The following CRACD variants were observed in gnomAD, a reference collection of about 807,000 sequenced individuals.
CRACD encodes capping protein-inhibiting regulator of actin dynamics.
CRACD carries 56 observed loss-of-function variants against 106.8 expected under a neutral mutation model. The ratio of observed to expected loss-of-function variants is 0.52; its 90% CI spans 0.42 to 0.66. CRACD has a LOEUF of 0.66. Among genes scored for constraint, CRACD ranks in the 30% least tolerant of loss-of-function variants. The pLI, the probability that CRACD is intolerant of heterozygous loss-of-function variation, is 0.00. For missense variants in CRACD, 1,730 were observed against 1,623.2 expected, an observed-to-expected ratio of 1.07 and a Z score of -1.13; for synonymous variants, 754 against 670.8, an observed-to-expected ratio of 1.12 and a Z score of -1.92.
In CRACD at chr4:56,231,690, A is replaced by G. The variant is rs372922464; in HGVS notation, c.-188-40631A>G. ...AGCCAGATACAAAAGAGTGCATGCT[A>G]CGTGCTTCCATTTACATAAAGTACA... On this transcript the variant is annotated intron_variant, in intron 2 of 10. Coordinates refer to ENST00000682029, the MANE Select transcript of CRACD (RefSeq NM_001393381.1). Among the ~76,000 whole-genome samples the G allele has an allele frequency of 3.3e-5, 5 of 152,348 alleles. No homozygotes were observed. The East Asian group carries it at 5.8e-4, about 18-fold the overall frequency.
intron 1 of CRACD, among the ~76,000 whole-genome samples, chr4:56,098,979 C>T (rs931293493): frequency 6.6e-5 from 10 of 152,194 alleles, no homozygotes; most frequent in Admixed American, 4.6e-4. Flanking sequence ...GTGCCCAGCC[C>T]GGGATCTATT....
At chr4:56,308,531 C>T (rs1025105864) in intron 5 of CRACD, among the ~76,000 whole-genome samples, 1 of 151,912 alleles carries the variant, frequency 6.6e-6, no homozygotes, top group Non-Finnish European at 1.5e-5. Context: ...CCTATCAAGA[C>T]CCCTGGAATT....
At position 56,315,743 on chromosome 4, in the gene CRACD, A is replaced by C; in HGVS notation, c.2241A>C (p.Lys747Asn). Residue 747 changes from lysine to asparagine, a missense_variant, in exon 8 of 11, where the codon AAA (lysine) becomes AAC (asparagine). Lys to Asn is a moderately conservative substitution (Grantham distance 94, BLOSUM62 0). Transcript: ENST00000682029. The surrounding 1 kb of genome is among the most constrained non-coding windows in gnomAD (Gnocchi z 4.1). ...GCACGGAAGCTGAAAGCATACGAAAAAGACCCATGCTGGGACCCAGCGAAG... is the reference window on the plus strand; with the variant it reads ...GCACGGAAGCTGAAAGCATACGAAACAGACCCATGCTGGGACCCAGCGAAG... ...KQSTEAESIR[K>N]RPMLGPSEET... The C allele has an allele frequency of 6.2e-7, 1 of 1,614,224 alleles. No homozygotes were observed. Among genetic ancestry groups the C allele is most frequent in the Non-Finnish European group, 8.5e-7 (1 of 1,180,044 alleles).
intron 1 of CRACD, among the ~76,000 whole-genome samples, chr4:56,145,027 A>G (rs191857597): frequency 6.6e-6 from 1 of 152,246 alleles, no homozygotes; most frequent in East Asian, 1.9e-4. Context: ...ACTTCAAGTT[A>G]TCCCCCCGCC....
At chr4:56,053,050 A>G (rs1172254364) in intron 1 of CRACD, among the ~76,000 whole-genome samples, 2 of 152,146 alleles carry the variant, frequency 1.3e-5, no homozygotes, top group Non-Finnish European at 2.9e-5. Context: ...GGTTTTTGTG[A>G]TAGAGTCAAT....
At chr4:56,282,178 G>C (rs535262389) in intron 3 of CRACD, among the ~76,000 whole-genome samples, 1 of 152,262 alleles carries the variant, frequency 6.6e-6, no homozygotes, top group South Asian at 2.1e-4. Context: ...TGTTGTCATG[G>C]AAACAAGCTG....
chr4:56,308,143 T>C (rs1255951730), intron 5 of CRACD, among the ~76,000 whole-genome samples: 1 of 152,246 alleles, frequency 6.6e-6, no homozygotes, highest in Non-Finnish European at 1.5e-5. Flanking sequence ...TCCCTAGGAC[T>C]GAGCCACTGC....
chr4:56,105,985 CA>C (rs1352432990), intron 1 of CRACD, among the ~76,000 whole-genome samples: 1 of 151,770 alleles, frequency 6.6e-6, no homozygotes, highest in Non-Finnish European at 1.5e-5. Flanking sequence ...CTTCCATCCC[CA>C]AGCTCTGTCT....
intron 2 of CRACD, among the ~76,000 whole-genome samples, chr4:56,211,950 A>G (rs950098869): frequency 2.0e-5 from 3 of 152,108 alleles, no homozygotes; most frequent in Non-Finnish European, 2.9e-5. Context: ...ACCTGCCCCA[A>G]TCTGCCTAGG....
intron 1 of CRACD, among the ~76,000 whole-genome samples, chr4:56,159,680 C>T (rs1259290013): frequency 6.6e-6 from 1 of 152,072 alleles, no homozygotes; most frequent in Non-Finnish European, 1.5e-5. Context: ...AAACAATAGT[C>T]TCTTCTGACC....
At chr4:56,209,954 CAG>C (rs762766372) in intron 2 of CRACD, among the ~76,000 whole-genome samples, 13 of 152,152 alleles carry the variant, frequency 8.5e-5, no homozygotes, top group Non-Finnish European at 1.6e-4. Context: ...GGACAGAAGA[CAG>C]AGCTGTGAGG....
At position 56,295,690 on chromosome 4, in the gene CRACD, T is replaced by C. The variant is rs913397519; in HGVS notation, c.-16-2524T>C. On this transcript the variant is annotated intron_variant, in intron 3 of 10. Transcript: ENST00000682029. ...ATATATATATATATATATATATATA[T>C]ATATATATATATATATATATATGCC... Among the ~76,000 whole-genome samples, 32 of 93,294 alleles carry C rather than the reference T, an allele frequency of 3.4e-4. 1 individual carries two copies. The highest frequency in any genetic ancestry group is 1.6e-3 in the Admixed American group (16 of 10,060). 61.2% of individuals were successfully genotyped at this position (93,294 alleles called of 152,430 possible).
intron 1 of CRACD, among the ~76,000 whole-genome samples, chr4:56,121,236 T>C (rs1470035090): frequency 1.3e-5 from 2 of 152,234 alleles, no homozygotes; most frequent in Admixed American, 6.5e-5. Flanking sequence ...CAGTAAAATA[T>C]TTCCTGTGCA....
At chr4:56,302,449 G>A (rs572221722) in intron 4 of CRACD, among the ~76,000 whole-genome samples, 4 of 152,160 alleles carry the variant, frequency 2.6e-5, no homozygotes, top group East Asian at 1.9e-4. Flanking sequence ...TTTGTACCAC[G>A]GATTATCTGG....
At chr4:56,246,637 C>T (rs939653464) in intron 2 of CRACD, 1 of 152,236 alleles carries the variant, frequency 6.6e-6, no homozygotes, top group African/African-American at 2.4e-5. Context: ...CATGGTGTTT[C>T]TGAGGGGGGA....
At chr4:56,309,415 AGGATAGAT>A (rs1744975677) in intron 5 of CRACD, among the ~76,000 whole-genome samples, 1 of 152,188 alleles carries the variant, frequency 6.6e-6, no homozygotes. Flanking sequence ...ATGGCAATAC[AGGATAGAT>A]GGTGTCGCAG....
At chr4:56,182,109 G>C (rs180863155) in intron 2 of CRACD, among the ~76,000 whole-genome samples, 1 of 152,110 alleles carries the variant, frequency 6.6e-6, no homozygotes, top group South Asian at 2.1e-4. Flanking sequence ...GGCTTGACAC[G>C]ATGGCTCACA....
intron 1 of CRACD, among the ~76,000 whole-genome samples, chr4:56,055,448 A>ACAT (rs55745244): frequency 0.35 from 52,799 of 151,428 alleles, 10,190 homozygotes; most frequent in African/African-American, 0.52. Context: ...GAAAGAGGAA[A>ACAT]CATTACTCCA....
Position 56,065,379 on chromosome 4 carries a change from C to T in CRACD, c.-336+16080C>T, listed in dbSNP as rs191841622. ...CTGGGATTACAGTCGTGAGCCACTG[C>T]GCCCAGCACCATGAGTCTTTATGAT... On this transcript the variant is annotated intron_variant, in intron 1 of 10. Coordinates refer to ENST00000682029, the MANE Select transcript of CRACD (RefSeq NM_001393381.1). Among the ~76,000 whole-genome samples, 5 of 152,260 alleles carry T rather than the reference C, an allele frequency of 3.3e-5. No homozygotes were observed. In the East Asian group the frequency reaches 5.8e-4, roughly 18 times the overall value.
Sources: allele counts gnomAD v4.1 joint callset (sites outside exome capture counted in the v4.1 genomes callset), GRCh38; gene constraint gnomAD v4.1.1; non-coding constraint Gnocchi (gnomAD v3.1); transcripts MANE v1.5; gene names NCBI Gene and HGNC (gene_info 2026-07-23, HGNC 2026-07-21).